PHTF1: variants seen among roughly 807,000 people sequenced by gnomAD.
PHTF1 encodes the protein putative homeodomain transcription factor 1.
In PHTF1, 88 loss-of-function variants were observed where a neutral mutation model predicts 102.4. The ratio of observed to expected loss-of-function variants is 0.86; its 90% CI spans 0.72 to 1.03. The LOEUF is 1.03. Ranked by LOEUF, PHTF1 falls within the 50% of genes least tolerant of loss-of-function variation. PHTF1 has a pLI of 0.00. For synonymous variants in PHTF1, 289 were observed against 305.2 expected (o/e 0.95, Z 0.55); for missense variants, 814 against 909.5 (o/e 0.89, Z 1.35).
At chr1:113,725,058 C>A (rs947598923) in intron 6 of PHTF1, among the ~76,000 whole-genome samples, 165 bp from the exon 7 acceptor site, 2 of 152,038 alleles carry the variant, frequency 1.3e-5, no homozygotes, top group African/African-American at 2.4e-5. Flanking sequence ...GATTTGAGGG[C>A]AAAACCAGAT....
At chr1:113,758,855 G>T (rs1048057493) in intron 1 of PHTF1, 122 bp from the exon 2 acceptor site, 51 of 1,333,998 alleles carry the variant, frequency 3.8e-5, no homozygotes, top group African/African-American at 4.5e-5. Flanking sequence ...CCAGCTGTTT[G>T]CCAGGGAAAA....
In PHTF1 at chr1:113,698,277, T is replaced by C; in HGVS notation, c.2253A>G (p.Leu751=). 1 of 1,607,536 alleles carries C rather than the reference T, an allele frequency of 6.2e-7. No individual in the cohort carries two copies. The highest frequency in any genetic ancestry group is 1.3e-5 in the African/African-American group (1 of 74,862). ...TGATACTTACTCTTATATTAAATCC[T>C]AGAAGATCACTTATAACACCTGAGA... ...SAVSGVISDL[L]GFNIRLWKIK... Residue 751 remains leucine (L), a synonymous_variant, in exon 18 of 19, where the codon CTA becomes CTG. Coordinates refer to ENST00000369604, the MANE Select transcript of PHTF1 (RefSeq NM_001323043.2).
At chr1:113,748,325 G>C (rs911272851) in intron 3 of PHTF1, among the ~76,000 whole-genome samples, 2 of 151,852 alleles carry the variant, frequency 1.3e-5, no homozygotes, top group African/African-American at 2.4e-5. Flanking sequence ...CTGCATTTCT[G>C]GGGCAATTTT....
intron 3 of PHTF1, among the ~76,000 whole-genome samples, chr1:113,745,324 A>C (rs1416001275): frequency 2.0e-5 from 3 of 152,182 alleles, no homozygotes; most frequent in Non-Finnish European, 4.4e-5. Flanking sequence ...GAAACCAAAA[A>C]ACAACAACCT....
At chr1:113,724,059 ACAGTGAGATAT>A (rs1653435187) in intron 7 of PHTF1, among the ~76,000 whole-genome samples, 2 of 152,230 alleles carry the variant, frequency 1.3e-5, no homozygotes, top group Admixed American at 1.3e-4. Context: ...AATCAAAACC[ACAGTGAGATAT>A]CATCTCACTC....
In PHTF1 at chr1:113,758,681, G is replaced by T; in HGVS notation, c.23C>A (p.Ala8Asp). The T allele has an allele frequency of 1.2e-6, 2 of 1,606,488 alleles. No individual in the cohort carries two copies. Among genetic ancestry groups the T allele is most frequent in the Non-Finnish European group, 1.7e-6 (2 of 1,174,208 alleles). The change falls in exon 2 of 19, where the codon GCT becomes GAT. Residue 8 changes from alanine (A) to aspartate (D), a missense_variant. By Grantham distance (126) the Ala-to-Asp change is moderately radical. Transcript: ENST00000369604. ...TACCTTCTTTTGGTACCACGATATA[G>T]CATCTCTCTCATTTGAGGCCATCTG... Reference protein sequence around the residue: MASNERDAISWYQKKIGA... With the variant: MASNERDDISWYQKKIGA...
At chr1:113,738,036 A>C in intron 5 of PHTF1, 74 bp downstream of exon 5, 1 of 1,010,800 alleles carries the variant, frequency 9.9e-7, no homozygotes, top group Non-Finnish European at 1.5e-6. Context: ...ATGTAAAATC[A>C]GTAGGTCTTC....
upstream of PHTF1, chr1:113,759,487 G>A (rs1659403858): frequency 6.6e-6 from 1 of 152,288 alleles, no homozygotes; most frequent in African/African-American, 2.4e-5. Flanking sequence ...TCAGCCGTCT[G>A]AGATCTGGGC....
At chr1:113,745,514 T>C (rs928653739) in intron 3 of PHTF1, among the ~76,000 whole-genome samples, 4 of 152,098 alleles carry the variant, frequency 2.6e-5, no homozygotes, top group Non-Finnish European at 5.9e-5. Context: ...CCCCAGGGCA[T>C]GGAATAGTGG....
intron 3 of PHTF1, among the ~76,000 whole-genome samples, chr1:113,755,157 A>T (rs960274340): frequency 5.3e-5 from 8 of 151,298 alleles, no homozygotes; most frequent in South Asian, 2.1e-4. Context: ...TTATTTTAAA[A>T]TTTTTTTTGC....
At chr1:113,700,313 T>G (rs989872041) in intron 16 of PHTF1, 1 of 350,034 alleles carries the variant, frequency 2.9e-6, no homozygotes, top group African/African-American at 2.2e-5. Flanking sequence ...AACTTGAAAT[T>G]AAAAACAAAA....
At chr1:113,707,488 T>G (rs1650390208) in intron 11 of PHTF1, among the ~76,000 whole-genome samples, 1 of 152,238 alleles carries the variant, frequency 6.6e-6, no homozygotes, top group South Asian at 2.1e-4. Context: ...ATCAGACAAA[T>G]TAACATCTTA....
At chr1:113,729,717 T>TG (rs1213514533) in intron 5 of PHTF1, among the ~76,000 whole-genome samples, 1 of 152,200 alleles carries the variant, frequency 6.6e-6, no homozygotes, top group East Asian at 1.9e-4. Context: ...GGATGGCTGC[T>TG]GGTCACACCA....
At position 113,724,848 on chromosome 1, in the gene PHTF1, TC is replaced by T; in HGVS notation, c.533del (p.Gly178GlufsTer11). On this transcript the variant is annotated frameshift_variant, in exon 7 of 19. Coordinates refer to ENST00000369604, the MANE Select transcript of PHTF1 (RefSeq NM_001323043.2). LOFTEE classifies it high-confidence loss of function. ...TVNGDGSREN[G>X]NNSSDKVRGI... ...CTCTGACTTTATCAGAGGAGTTATT[TC>T]CATTTTCTCGGCTCCCATCACCATT... The T allele has an allele frequency of 6.2e-7, 1 of 1,610,086 alleles. No homozygotes were observed. Among genetic ancestry groups the T allele is most frequent in the Non-Finnish European group, 8.5e-7 (1 of 1,177,784 alleles).
rs1196152006 is a variant in PHTF1 at position 113,724,811 on chromosome 1, AAGTTTCTATTCCTCTGACTTTATC to A, written c.547_570del (p.Asp183_Thr190del). 1 of 1,611,724 alleles carries A rather than the reference AAGTTTCTATTCCTCTGACTTTATC, an allele frequency of 6.2e-7. No homozygotes were observed. On this transcript the variant is annotated inframe_deletion, in exon 7 of 19. Coordinates refer to ENST00000369604, the MANE Select transcript of PHTF1 (RefSeq NM_001323043.2). ...CCACCAATAATGGGTACAGATTCCA[AAGTTTCTATTCCTCTGACTTTATC>A]AGAGGAGTTATTTCCATTTTCTCGG...
At chr1:113,698,620 TACACACACACACACAC>T (rs56167437) in intron 17 of PHTF1, among the ~76,000 whole-genome samples, 1 of 49,668 alleles carries the variant, frequency 2.0e-5, no homozygotes, top group African/African-American at 4.1e-5. Flanking sequence ...TATATATATA[TACACACACACACACAC>T]ACACACACAC....
At chr1:113,743,369 A>C (rs1239039015) in intron 3 of PHTF1, among the ~76,000 whole-genome samples, 1 of 152,074 alleles carries the variant, frequency 6.6e-6, no homozygotes, top group Non-Finnish European at 1.5e-5. Context: ...CTTCAGGGGC[A>C]ATAACACACA....
In PHTF1 at chr1:113,706,736, T is replaced by C; in HGVS notation, c.1270-14A>G. ...GAATAAATGATTCTGAGAAGAAAAA[T>C]ATAAAATTGTTTCTATCCATGCCCT... is the stretch of plus-strand genomic sequence containing the variant. On this transcript the variant is annotated splice_polypyrimidine_tract_variant and intron_variant, in intron 11 of 18. Transcript: ENST00000369604. 1 of 1,585,792 alleles carries C rather than the reference T, an allele frequency of 6.3e-7. No individual in the cohort carries two copies.
intron 7 of PHTF1, among the ~76,000 whole-genome samples, chr1:113,724,419 A>C (rs565685760): frequency 9.2e-5 from 14 of 152,020 alleles, no homozygotes; most frequent in Non-Finnish European, 1.9e-4. Context: ...GGCACCTGTC[A>C]TCCCAGCTAT....
Sources: gnomAD v4.1 joint callset for allele counts (sites outside exome capture counted in the v4.1 genomes callset) on GRCh38, gnomAD v4.1.1 for gene constraint, MANE v1.5 for transcripts, NCBI Gene and HGNC (gene_info 2026-07-23, HGNC 2026-07-21) for gene names.